KIF21B: variants seen among roughly 807,000 people sequenced by gnomAD.
The protein encoded by KIF21B is kinesin-like protein KIF21B.
KIF21B carries 85 observed loss-of-function variants against 192.9 expected under a neutral mutation model. The observed-to-expected ratio is 0.44, with a 90% confidence interval of 0.37 to 0.53. The LOEUF (loss-of-function observed/expected upper bound fraction) is 0.53. Ranked by LOEUF, KIF21B falls within the 20% of genes least tolerant of loss-of-function variation. KIF21B has a pLI of 0.00. For missense variants in KIF21B, 1,716 were observed against 2,194.8 expected, an observed-to-expected ratio of 0.78 and a Z score of 4.36; for synonymous variants, 832 against 884.6, an observed-to-expected ratio of 0.94 and a Z score of 1.05.
chr1:201,016,873 T>C (rs1658535605), intron 1 of KIF21B, among the ~76,000 whole-genome samples: 1 of 152,128 alleles, frequency 6.6e-6, no homozygotes, highest in Non-Finnish European at 1.5e-5. Context: ...AGCATGGGTT[T>C]AGGAGGCCTT....
chr1:200,979,425 C>T, intron 30 of KIF21B, 110 bp downstream of exon 30: 1 of 744,482 alleles, frequency 1.3e-6, no homozygotes, highest in East Asian at 3.1e-5. Context: ...GGTCTCTGTG[C>T]CCATGTAGCC....
chr1:200,972,245 G>A lies in KIF21B; in HGVS notation c.*1276C>T, dbSNP rs1655255000. 2 of 152,392 alleles carry A rather than the reference G, an allele frequency of 1.3e-5. No individual in the cohort carries two copies. Among genetic ancestry groups the A allele is most frequent in the South Asian group, 4.1e-4 (2 of 4,822 alleles). 9.4% of individuals were successfully genotyped at this position (152,392 alleles called of 1,614,324 possible). ...TCCTTGATAATTTTCTGCAAGGGAG[G>A]GCCTGCGCTCCATGCCAGTTTTAAG... On this transcript the variant is annotated 3_prime_UTR_variant, in exon 35 of 35. Coordinates refer to ENST00000461742, the MANE Select transcript of KIF21B (RefSeq NM_001252102.2).
chr1:200,974,942 T>C (rs1348229105), intron 33 of KIF21B, 29 bp from the exon 34 acceptor site: 1 of 1,606,502 alleles, frequency 6.2e-7, no homozygotes, highest in Non-Finnish European at 8.5e-7. Context: ...TGGTGAGGGC[T>C]GGGGGAGGTG....
At chr1:201,002,632 T>A (rs1657565120) in intron 8 of KIF21B, 1 of 412,194 alleles carries the variant, frequency 2.4e-6, no homozygotes. Context: ...TGTATTTTCA[T>A]ATCTCCATAA....
In KIF21B at chr1:201,009,335, G is replaced by A. The variant is rs538378431; in HGVS notation, c.195C>T (p.Ser65=). 2.5e-6 allele frequency: 4 copies of A among 1,614,278 alleles called. No individual in the cohort carries two copies. The highest frequency in any genetic ancestry group is 2.7e-5 in the African/African-American group (2 of 75,064). The change falls in exon 2 of 35, where the codon TCC becomes TCT. Residue 65 remains serine (S), a synonymous_variant. Transcript: ENST00000461742. ...CCTCGATGAGCTTGCTCACACAGGT[G>A]GAATAGATCTGTTCTTGCCAGGTGT... ...DLDTWQEQIY[S]TCVSKLIEGC... is the part of the protein sequence containing the mutation.
Position 201,009,414 on chromosome 1 carries a change from TG to T in KIF21B, c.115del (p.Gln39ArgfsTer30). The T allele has an allele frequency of 6.2e-7, 1 of 1,614,236 alleles. No individual in the cohort carries two copies. The highest frequency in any genetic ancestry group is 1.7e-5 in the Admixed American group (1 of 60,028). On this transcript the variant is annotated frameshift_variant, in exon 2 of 35. Transcript: ENST00000461742. LOFTEE classifies it high-confidence loss of function. ...GGCCTTGTCCTTCCCCAGCAGGACC[TG>T]GGGCTCTCCCGGGGTAACAGAGGTA... ...ICTSVTPGEP[Q>X]VLLGKDKAFT...
At position 200,970,596 on chromosome 1, in the gene KIF21B, C is replaced by G. The variant is rs565241897; in HGVS notation, c.*2925G>C. ...GAACTGACTGATAGTGAGGACAGGGCCCTGGCACAGGACTATGCTGAAGAG... is the reference window on the plus strand; with the variant it reads ...GAACTGACTGATAGTGAGGACAGGGGCCTGGCACAGGACTATGCTGAAGAG... On this transcript the variant is annotated 3_prime_UTR_variant, in exon 35 of 35. Coordinates refer to ENST00000461742, the MANE Select transcript of KIF21B (RefSeq NM_001252102.2). The G allele has an allele frequency of 6.6e-6, 1 of 152,570 alleles. No individual in the cohort carries two copies. Among genetic ancestry groups the G allele is most frequent in the Non-Finnish European group, 1.5e-5 (1 of 68,082 alleles). The allele number at this position is 152,570 out of a possible 1,614,324, so 9.5% of individuals were successfully genotyped here. A position where few individuals can be genotyped will look rare whatever the true frequency, so the allele number is the denominator to read the frequency against.
At chr1:201,003,224 G>C (rs2102445975) in intron 8 of KIF21B, 1 of 335,304 alleles carries the variant, frequency 3.0e-6, no homozygotes, top group East Asian at 7.4e-5. Context: ...ACGATTCTGT[G>C]CCAGTCTAGC....
At chr1:201,016,562 G>A (rs554556273) in intron 1 of KIF21B, among the ~76,000 whole-genome samples, 17 of 152,294 alleles carry the variant, frequency 1.1e-4, no homozygotes, top group East Asian at 5.8e-4. Context: ...CCAGACACCC[G>A]GGGGCTTTTA....
intron 15 of KIF21B, among the ~76,000 whole-genome samples, chr1:200,992,669 A>T (rs1174010677): frequency 2.0e-5 from 3 of 152,194 alleles, no homozygotes; most frequent in Non-Finnish European, 4.4e-5. Context: ...TGCTGCTTGG[A>T]ATGCCACAGC....
intron 17 of KIF21B, 75 bp from the exon 18 acceptor site, chr1:200,991,224 G>A (rs1656675207): frequency 1.7e-6 from 2 of 1,208,260 alleles, no homozygotes; most frequent in East Asian, 2.5e-5. Flanking sequence ...CCAGGTTGGG[G>A]TGCCGGGCAG....
At position 200,988,291 on chromosome 1, in the gene KIF21B, C is replaced by T. The variant is rs1656435674; in HGVS notation, c.3408+5G>A. ...ACCCACTGCCTGACTTCCGGCGGGG[C>T]TCACCTTGAACTTGAAATCGTCATG... On this transcript the variant is annotated splice_donor_5th_base_variant and intron_variant, in intron 24 of 34. Transcript: ENST00000461742. The T allele has an allele frequency of 1.2e-6, 2 of 1,613,702 alleles. No individual in the cohort carries two copies. The highest frequency in any genetic ancestry group is 4.5e-5 in the East Asian group (2 of 44,880).
chr1:201,020,808 T>TATACACACACACACACACACAC (rs1658775066), intron 1 of KIF21B, among the ~76,000 whole-genome samples: 1 of 142,816 alleles, frequency 7.0e-6, no homozygotes, highest in African/African-American at 2.7e-5. Context: ...CTCTCTCCTC[T>TATACACACACACACACACACAC]ACACACACAC....
chr1:200,998,287 C>T lies in KIF21B; in HGVS notation c.2077+97G>A. On this transcript the variant is annotated intron_variant, in intron 14 of 34. Coordinates refer to ENST00000461742, the MANE Select transcript of KIF21B (RefSeq NM_001252102.2). The surrounding 1 kb of genome is among the most constrained non-coding windows in gnomAD (Gnocchi z 4.3). ...TTGGGAAGTCCCTTGCCTAGAAGGC[C>T]AGGATAACCCCAACACACCAGCTGC... 1 of 1,236,922 alleles carries T rather than the reference C, an allele frequency of 8.1e-7. No individual in the cohort carries two copies. Among genetic ancestry groups the T allele is most frequent in the Admixed American group, 2.1e-5 (1 of 47,860 alleles). The allele number at this position is 1,236,922 out of a possible 1,614,324, so 76.6% of individuals were successfully genotyped here.
chr1:201,007,669 C>T (rs1197082920), intron 3 of KIF21B, among the ~76,000 whole-genome samples: 7 of 151,010 alleles, frequency 4.6e-5, no homozygotes, highest in Non-Finnish European at 1.0e-4. Flanking sequence ...CACACAGAGA[C>T]ACATAGACAC....
rs1422263786 is a variant in KIF21B, at chr1:201,009,457, C to T, written c.73G>A (p.Glu25Lys). 1 of 1,614,198 alleles carries T rather than the reference C, an allele frequency of 6.2e-7. No homozygotes were observed. The highest frequency in any genetic ancestry group is 1.7e-5 in the Admixed American group (1 of 60,028). ...IRPQLSKEKI[E>K]GCHICTSVTP... ...ACAGAGGTACAGATGTGACAGCCCT[C>T]AATCTTCTCCTTCGACAGCTGGGGC... The change falls in exon 2 of 35, where the codon GAG becomes AAG. Residue 25 changes from glutamate (E) to lysine (K), a missense_variant. By Grantham distance (56) the Glu-to-Lys change is moderately conservative. Coordinates refer to ENST00000461742, the MANE Select transcript of KIF21B (RefSeq NM_001252102.2).
rs746889188 is a variant in KIF21B, at chr1:201,009,495, A to G, written c.42-7T>C. ...CGACAGCTGGGGCCGGATCCTGCCC[A>G]TGATGGAGAGAGCCCTGGGTCAGGC... is the stretch of plus-strand genomic sequence containing the variant. On this transcript the variant is annotated splice_polypyrimidine_tract_variant and splice_region_variant and intron_variant, in intron 1 of 34. Coordinates refer to ENST00000461742, the MANE Select transcript of KIF21B (RefSeq NM_001252102.2). 13 of 1,612,644 alleles carry G rather than the reference A, an allele frequency of 8.1e-6. No individual in the cohort carries two copies. Among genetic ancestry groups the G allele is most frequent in the Admixed American group, 5.0e-5 (3 of 59,964 alleles).
chr1:200,988,563 G>T lies in KIF21B; in HGVS notation c.3299-19C>A. The stretch of plus-strand genomic sequence containing the variant: ...CCATTCTCTGTGGGAGGGCGGGAGG[G>T]AGGGAAAGGGGTTGAGAAGCCCTGT... On this transcript the variant is annotated intron_variant, in intron 22 of 34. Coordinates refer to ENST00000461742, the MANE Select transcript of KIF21B (RefSeq NM_001252102.2). 3.3e-5 allele frequency: 27 copies of T among 829,962 alleles called. No individual in the cohort carries two copies. Among genetic ancestry groups the T allele is most frequent in the Non-Finnish European group, 4.7e-5 (24 of 510,480 alleles). 51.4% of individuals were successfully genotyped at this position (829,962 alleles called of 1,614,324 possible). A position where few individuals can be genotyped will look rare whatever the true frequency, so the allele number is the denominator to read the frequency against.
chr1:201,005,203 A>C (rs1325385897), intron 5 of KIF21B, 105 bp downstream of exon 5: 1 of 1,430,374 alleles, frequency 7.0e-7, no homozygotes, highest in African/African-American at 1.4e-5. Flanking sequence ...GGCAGAGGCC[A>C]GCCTCAATCT....
Sources: gnomAD v4.1 joint callset for allele counts (sites outside exome capture counted in the v4.1 genomes callset) on GRCh38, gnomAD v4.1.1 for gene constraint, Gnocchi (gnomAD v3.1) non-coding constraint, MANE v1.5 for transcripts, NCBI Gene and HGNC (gene_info 2026-07-23, HGNC 2026-07-21) for gene names.